ZZZ3: variants seen among roughly 807,000 people sequenced by gnomAD.
ZZZ3 encodes ZZ-type zinc finger-containing protein 3.
Under a neutral mutation model 95.2 loss-of-function variants are expected in ZZZ3, and 22 were observed. The observed-to-expected ratio is 0.23, with a 90% CI of 0.17 to 0.33. The LOEUF (loss-of-function observed/expected upper bound fraction) is 0.33, where lower values mean the gene tolerates loss of function less well. ZZZ3 is among the 10% of genes least tolerant of loss of function. ZZZ3 has a pLI of 1.00. For synonymous variants in ZZZ3, 335 were observed against 358.9 expected, an observed-to-expected ratio of 0.93 and a Z score of 0.75; for missense variants, 885 against 1,066.5, an observed-to-expected ratio of 0.83 and a Z score of 2.37.
chr1:77,671,366 G>C (rs916396690), intron 1 of ZZZ3, among the ~76,000 whole-genome samples: 1 of 152,052 alleles, frequency 6.6e-6, no homozygotes, highest in Admixed American at 6.6e-5. Flanking sequence ...AGACTTGAAA[G>C]AAAATTCAAA....
chr1:77,660,717 GAATA>G (rs1670704521), intron 1 of ZZZ3, among the ~76,000 whole-genome samples: 1 of 152,098 alleles, frequency 6.6e-6, no homozygotes, highest in Non-Finnish European at 1.5e-5. Context: ...ATCCTTTCAG[GAATA>G]ACCCAGATAT....
At chr1:77,629,551 G>A (rs1570553936) in intron 5 of ZZZ3, among the ~76,000 whole-genome samples, 1 of 152,096 alleles carries the variant, frequency 6.6e-6, no homozygotes, top group African/African-American at 2.4e-5. Context: ...AAGCCTGGGA[G>A]GTAGGTCAAA....
At chr1:77,637,325 C>T (rs1437568450) in intron 4 of ZZZ3, among the ~76,000 whole-genome samples, 2 of 152,148 alleles carry the variant, frequency 1.3e-5, no homozygotes, top group Non-Finnish European at 1.5e-5. Flanking sequence ...GTGATGTGCA[C>T]TTGAGGTAAT....
chr1:77,579,510 G>A lies in ZZZ3; in HGVS notation c.2082+17C>T. The A allele has an allele frequency of 6.4e-7, 1 of 1,568,288 alleles. No individual in the cohort carries two copies. The highest frequency in any genetic ancestry group is 8.7e-7 in the Non-Finnish European group (1 of 1,146,018). Reference sequence around the variant, plus strand: ...ACCAAAAGCATACCAGCAATCTGCAGTCATCTCCTCAATTACCTGTTTTGC... The same window carrying A: ...ACCAAAAGCATACCAGCAATCTGCAATCATCTCCTCAATTACCTGTTTTGC... On this transcript the variant is annotated intron_variant, in intron 10 of 14. Transcript: ENST00000370801.
chr1:77,629,091 T>C (rs1667566912), intron 5 of ZZZ3, among the ~76,000 whole-genome samples: 1 of 152,170 alleles, frequency 6.6e-6, no homozygotes, highest in African/African-American at 2.4e-5. Flanking sequence ...ATGCTACTTT[T>C]AGCGATGGCA....
At chr1:77,680,588 G>A (rs1381868852) in intron 1 of ZZZ3, among the ~76,000 whole-genome samples, 1 of 152,116 alleles carries the variant, frequency 6.6e-6, no homozygotes, top group Non-Finnish European at 1.5e-5. Context: ...AGGTTTGGCG[G>A]GGGGAAATTA....
chr1:77,628,958 G>T, intron 5 of ZZZ3, among the ~76,000 whole-genome samples: 1 of 152,160 alleles, frequency 6.6e-6, no homozygotes, highest in East Asian at 1.9e-4. Context: ...ACATATGTGT[G>T]TACAGGAGGA....
chr1:77,650,377 C>T (rs1289902168), intron 1 of ZZZ3, among the ~76,000 whole-genome samples: 1 of 152,072 alleles, frequency 6.6e-6, no homozygotes, highest in African/African-American at 2.4e-5. Context: ...GAAGGAATAA[C>T]AACAAATGAA....
chr1:77,638,014 C>G lies in ZZZ3; in HGVS notation c.-52+1435G>C, dbSNP rs150239018. ...CCATTAATTAACATATTCATATGGG[C>G]AAAACGCAATCTAACTAACAACTAC... On this transcript the variant is annotated intron_variant, in intron 4 of 14. Transcript: ENST00000370801. Among the ~76,000 whole-genome samples the G allele has an allele frequency of 3.5e-3, 539 of 152,240 alleles. 3 individuals are homozygous for G. The highest frequency in any genetic ancestry group is 0.012 in the African/African-American group (519 of 41,546).
rs754275556 is a variant in ZZZ3, at chr1:77,583,612, G to GA, written c.1644+904dup. On this transcript the variant is annotated intron_variant, in intron 6 of 14. Coordinates refer to ENST00000370801, the MANE Select transcript of ZZZ3 (RefSeq NM_015534.6). ...CAAATAATAAATTAACACAACTAGT[G>GA]AAATAAAGTCCCCAGGGCTGCTCTC... 2.2e-3 allele frequency among the ~76,000 whole-genome samples: 334 copies of GA among 152,148 alleles called. 2 individuals carry two copies. The highest frequency in any genetic ancestry group is 1.1e-3 in the Non-Finnish European group (75 of 67,984).
chr1:77,578,289 GACTCAA>G (rs1247773509), intron 11 of ZZZ3, among the ~76,000 whole-genome samples: 1 of 151,930 alleles, frequency 6.6e-6, no homozygotes, highest in Non-Finnish European at 1.5e-5. Context: ...GCCTAAGTTG[GACTCAA>G]ACTCCTGGCC....
intron 1 of ZZZ3, among the ~76,000 whole-genome samples, chr1:77,642,355 T>C (rs1291181010): frequency 6.6e-6 from 1 of 152,188 alleles, no homozygotes; most frequent in Non-Finnish European, 1.5e-5. Context: ...TTCATACATA[T>C]CAAAGAAAGC....
chr1:77,675,649 A>C (rs1570678943), intron 1 of ZZZ3, among the ~76,000 whole-genome samples: 1 of 152,254 alleles, frequency 6.6e-6, no homozygotes, highest in Admixed American at 6.5e-5. Flanking sequence ...AAGTTACTTA[A>C]ATCTGGCTTT....
chr1:77,675,057 G>GT (rs1307420599), intron 1 of ZZZ3, among the ~76,000 whole-genome samples: 5 of 151,904 alleles, frequency 3.3e-5, no homozygotes, highest in African/African-American at 1.2e-4. Context: ...AGAGTGGAGA[G>GT]TTAATATAGA....
In ZZZ3 at chr1:77,567,946, T is replaced by A. The variant is rs528204049; in HGVS notation, c.2466+386A>T. Among the ~76,000 whole-genome samples the A allele has an allele frequency of 2.9e-4, 44 of 152,330 alleles. No individual in the cohort carries two copies. The South Asian group carries it at 8.7e-3, about 30-fold the overall frequency. ...AATAAACTCTTCACATCAGGAACGA[T>A]GGCACCACTGCTTTGCATAAATGAA... is the stretch of plus-strand genomic sequence containing the variant. On this transcript the variant is annotated intron_variant, in intron 13 of 14. Transcript: ENST00000370801.
intron 1 of ZZZ3, among the ~76,000 whole-genome samples, chr1:77,659,587 G>A (rs1295292387): frequency 6.6e-6 from 1 of 151,362 alleles, no homozygotes; most frequent in East Asian, 2.0e-4. Flanking sequence ...GGAGGCTGAA[G>A]CAGGAGAATC....
chr1:77,577,641 T>C (rs1453524900), intron 11 of ZZZ3, among the ~76,000 whole-genome samples: 1 of 152,226 alleles, frequency 6.6e-6, no homozygotes, highest in Non-Finnish European at 1.5e-5. Flanking sequence ...AGCTTCTCTT[T>C]ATGAGAAAGA....
chr1:77,672,198 G>A (rs1163307817), intron 1 of ZZZ3, among the ~76,000 whole-genome samples: 12 of 152,170 alleles, frequency 7.9e-5, no homozygotes, highest in Admixed American at 6.5e-4. Flanking sequence ...TGAGAGCTCC[G>A]AGTGCAGTGT....
rs922972139 is a variant in ZZZ3, at chr1:77,674,718, G to A, written c.-403+7867C>T. On this transcript the variant is annotated intron_variant, in intron 1 of 14. Coordinates refer to ENST00000370801, the MANE Select transcript of ZZZ3 (RefSeq NM_015534.6). The stretch of plus-strand genomic sequence containing the variant: ...TGTAATGTCAGCGCTTTCGGAGGCC[G>A]AGGTGGGCAGATCACTTGAGGTCAG... 1.1e-4 allele frequency among the ~76,000 whole-genome samples: 16 copies of A among 152,160 alleles called. No homozygotes were observed. In the East Asian group the frequency reaches 3.1e-3, roughly 29 times the overall value.
Sources: allele counts gnomAD v4.1 joint callset (sites outside exome capture counted in the v4.1 genomes callset), GRCh38; gene constraint gnomAD v4.1.1; transcripts MANE v1.5; gene names NCBI Gene and HGNC (gene_info 2026-07-23, HGNC 2026-07-21).